Variants in OTOA observed in about 807,000 individuals in gnomAD.
The protein encoded by OTOA is otoancorin.
Under a neutral mutation model 110.8 loss-of-function variants are expected in OTOA, and 70 were observed. That is an observed-to-expected ratio of 0.63 (90% CI 0.52 to 0.77). The LOEUF (loss-of-function observed/expected upper bound fraction) is 0.77. OTOA is among the 30% of genes least tolerant of loss of function. The pLI is 0.00. For synonymous variants in OTOA, 373 were observed against 431.5 expected (o/e 0.86, Z 1.68); for missense variants, 917 against 1,075.8 (o/e 0.85, Z 2.06).
At chr16:21,737,293 C>T (rs1386959014) in intron 22 of OTOA, among the ~76,000 whole-genome samples, 6 of 152,120 alleles carry the variant, frequency 3.9e-5, no homozygotes, top group African/African-American at 1.2e-4. Flanking sequence ...GGCATGATCT[C>T]GGCCCACTGC....
chr16:21,760,655 G>C lies in OTOA; in HGVS notation c.*115G>C, dbSNP rs202049015. 1 of 768,636 alleles carries C rather than the reference G, an allele frequency of 1.3e-6. No individual in the cohort carries two copies. Among genetic ancestry groups the C allele is most frequent in the African/African-American group, 1.7e-5 (1 of 59,078 alleles). The allele number at this position is 768,636 out of a possible 1,614,324, so 47.6% of individuals were successfully genotyped here. A position where few individuals can be genotyped will look rare whatever the true frequency, so the allele number is the denominator to read the frequency against. On this transcript the variant is annotated 3_prime_UTR_variant, in exon 29 of 29. Coordinates refer to ENST00000646100, the MANE Select transcript of OTOA (RefSeq NM_144672.4). ...TGGATCCAGACCCTCATCTAGGGCA[G>C]GGAAACCCTGGGGCCTTGATGGTGA...
intron 18 of OTOA, among the ~76,000 whole-genome samples, chr16:21,723,802 C>A (rs1298920769): frequency 1.3e-5 from 2 of 152,104 alleles, no homozygotes. Context: ...TCTGTGGGAA[C>A]CCTGGAAGAT....
At chr16:21,700,117 G>A (rs1352753963) in intron 10 of OTOA, among the ~76,000 whole-genome samples, 2 of 151,916 alleles carry the variant, frequency 1.3e-5, no homozygotes, top group Non-Finnish European at 2.9e-5. Flanking sequence ...AGAATGTTGG[G>A]AATCTGAATA....
intron 18 of OTOA, 65 bp from the exon 19 acceptor site, chr16:21,726,458 C>A: frequency 3.1e-6 from 5 of 1,605,932 alleles, no homozygotes; most frequent in Non-Finnish European, 4.3e-6. Context: ...CAGGCGGACC[C>A]TGATTTTAGG....
intron 8 of OTOA, among the ~76,000 whole-genome samples, chr16:21,689,865 T>C (rs1897793644): frequency 6.6e-6 from 1 of 152,080 alleles, no homozygotes; most frequent in East Asian, 1.9e-4. Flanking sequence ...TTTGTATTTT[T>C]AGTAGAGACA....
intron 12 of OTOA, among the ~76,000 whole-genome samples, chr16:21,705,705 G>A (rs779512726): frequency 5.9e-5 from 9 of 152,158 alleles, no homozygotes; most frequent in Non-Finnish European, 8.8e-5. Context: ...CCAGCACTTT[G>A]GGAGGCCAAG....
At chr16:21,712,334 T>TA (rs879680615) in intron 13 of OTOA, among the ~76,000 whole-genome samples, 483 of 140,462 alleles carry the variant, frequency 3.4e-3, no homozygotes, top group African/African-American at 1.0e-2. Flanking sequence ...GACTCTGTCT[T>TA]AAAAAAAAAA....
chr16:21,694,264 G>A (rs1286266672), intron 9 of OTOA, among the ~76,000 whole-genome samples: 7 of 151,998 alleles, frequency 4.6e-5, no homozygotes, highest in Non-Finnish European at 1.0e-4. Flanking sequence ...AACATAGCAA[G>A]ACCCCATTTC....
At chr16:21,693,983 A>G (rs1433471693) in intron 9 of OTOA, among the ~76,000 whole-genome samples, 1 of 152,212 alleles carries the variant, frequency 6.6e-6, no homozygotes, top group African/African-American at 2.4e-5. Context: ...CTCTGCCTCA[A>G]CTATTCAGCT....
chr16:21,700,204 C>G (rs146978504), intron 10 of OTOA, among the ~76,000 whole-genome samples: 3 of 152,082 alleles, frequency 2.0e-5, no homozygotes, highest in African/African-American at 7.2e-5. Flanking sequence ...TTCCATCACC[C>G]AAGGGCCATT....
intron 1 of OTOA, among the ~76,000 whole-genome samples, chr16:21,664,948 G>A (rs1388099464): frequency 2.0e-5 from 3 of 150,778 alleles, no homozygotes; most frequent in Admixed American, 2.0e-4. Context: ...CTCCATTCTG[G>A]GCGACACAGG....
intron 12 of OTOA, among the ~76,000 whole-genome samples, chr16:21,709,567 A>G (rs530383207): frequency 4.6e-5 from 7 of 152,336 alleles, no homozygotes; most frequent in Middle Eastern, 3.4e-3. Context: ...AACAGATGCT[A>G]TAAGAGTGTG....
At chr16:21,714,485 CCTCTCTCT>C (rs759140476) in intron 13 of OTOA, among the ~76,000 whole-genome samples, 1 of 111,696 alleles carries the variant, frequency 9.0e-6, no homozygotes, top group Non-Finnish European at 1.8e-5. Context: ...CTTTCCTCTC[CCTCTCTCT>C]CTCTCTCTTT....
At chr16:21,692,630 A>G (rs1379907882) in intron 9 of OTOA, among the ~76,000 whole-genome samples, 1 of 151,782 alleles carries the variant, frequency 6.6e-6, no homozygotes, top group East Asian at 1.9e-4. Context: ...TCTACACTTA[A>G]AAATGGGGCC....
At chr16:21,710,563 AG>A (rs1898325191) in intron 13 of OTOA, among the ~76,000 whole-genome samples, 1 of 152,330 alleles carries the variant, frequency 6.6e-6, no homozygotes, top group South Asian at 2.1e-4. Flanking sequence ...CACACACAGC[AG>A]GGGGCAACCA....
At chr16:21,757,678 C>T (rs1016023553) in intron 28 of OTOA, among the ~76,000 whole-genome samples, 1 of 151,758 alleles carries the variant, frequency 6.6e-6, no homozygotes, top group Non-Finnish European at 1.5e-5. Context: ...GAGTGCAGTG[C>T]CGCGATCTCG....
In OTOA at chr16:21,685,208, T is replaced by A. The variant is rs552351972; in HGVS notation, c.268-22T>A. 3.1e-5 allele frequency: 50 copies of A among 1,609,980 alleles called. No individual in the cohort carries two copies. In the East Asian group the frequency reaches 9.8e-4, roughly 32 times the overall value. ...TCCTGCTCTTTCTGTTCTCACCGAC[T>A]CTCCCAACACCCCAAATACAGGCAG... is the stretch of plus-strand genomic sequence containing the variant. On this transcript the variant is annotated intron_variant, in intron 6 of 28. Transcript: ENST00000646100.
At chr16:21,744,779 A>G (rs1191029578) in intron 23 of OTOA, 102 bp from the exon 24 acceptor site, 1 of 1,548 alleles carries the variant, frequency 6.5e-4, no homozygotes, top group African/African-American at 1.5e-3. Context: ...CACATTGGAG[A>G]TTAGGTTTTA....
At chr16:21,664,391 G>A (rs929116035) in intron 1 of OTOA, among the ~76,000 whole-genome samples, 159 bp downstream of exon 1, 1 of 152,106 alleles carries the variant, frequency 6.6e-6, no homozygotes, top group African/African-American at 2.4e-5. Flanking sequence ...TGTGGGTGCA[G>A]CGGCTTTAAG....
Sources: allele counts gnomAD v4.1 joint callset (sites outside exome capture counted in the v4.1 genomes callset), GRCh38; gene constraint gnomAD v4.1.1; transcripts MANE v1.5; gene names NCBI Gene and HGNC (gene_info 2026-07-23, HGNC 2026-07-21).